The following SGCZ variants were observed in gnomAD, a reference collection of about 807,000 sequenced individuals.
SGCZ encodes sarcoglycan zeta.
Under a neutral mutation model 41.3 loss-of-function variants are expected in SGCZ, and 40 were observed. That is an observed-to-expected ratio of 0.97 (90% confidence interval 0.75 to 1.26). The LOEUF is 1.26. SGCZ is among the 50% of genes most tolerant of loss of function. The pLI, the probability that SGCZ is intolerant of heterozygous loss-of-function variation, is 0.00. For missense variants in SGCZ, 552 were observed against 369.8 expected, an observed-to-expected ratio of 1.49 and a Z score of -4.04; for synonymous variants, 206 against 137.5, an observed-to-expected ratio of 1.50 and a Z score of -3.49.
chr8:14,766,033 G>A (rs1265333337), intron 1 of SGCZ, among the ~76,000 whole-genome samples: 1 of 150,396 alleles, frequency 6.6e-6, no homozygotes, highest in Non-Finnish European at 1.5e-5. Flanking sequence ...CATGATCTCG[G>A]CTCACTGCAA....
chr8:14,125,143 G>A (rs1802811481), intron 5 of SGCZ, among the ~76,000 whole-genome samples: 1 of 152,046 alleles, frequency 6.6e-6, no homozygotes, highest in Admixed American at 6.6e-5. Flanking sequence ...GAAATGAGAG[G>A]ACACAAAGAA....
At chr8:14,669,260 G>A (rs1200338231) in intron 1 of SGCZ, among the ~76,000 whole-genome samples, 1 of 151,670 alleles carries the variant, frequency 6.6e-6, no homozygotes, top group East Asian at 1.9e-4. Flanking sequence ...CAGGAGGTGA[G>A]AGGCAGGAGG....
chr8:14,998,026 C>T (rs1054671767), intron 1 of SGCZ, among the ~76,000 whole-genome samples: 5 of 152,116 alleles, frequency 3.3e-5, no homozygotes, highest in Non-Finnish European at 4.4e-5. Context: ...ATGCAACTTC[C>T]CAGTGGTGTT....
intron 3 of SGCZ, among the ~76,000 whole-genome samples, chr8:14,246,464 G>A (rs957203580): frequency 3.4e-4 from 52 of 151,844 alleles, no homozygotes; most frequent in Non-Finnish European, 7.1e-4. Context: ...GGGGAGCGGG[G>A]AGGGATAGCA....
intron 2 of SGCZ, among the ~76,000 whole-genome samples, chr8:14,427,661 T>C (rs1799825571): frequency 6.6e-6 from 1 of 152,140 alleles, no homozygotes; most frequent in Non-Finnish European, 1.5e-5. Context: ...CGGTAATTGC[T>C]TCCAGCAGCT....
At chr8:14,911,371 G>A (rs969921284) in intron 1 of SGCZ, among the ~76,000 whole-genome samples, 2 of 151,884 alleles carry the variant, frequency 1.3e-5, no homozygotes, top group African/African-American at 4.8e-5. Flanking sequence ...ATTTTTCTTA[G>A]GAAAAGACAG....
At chr8:14,119,591 C>A (rs1057500081) in intron 5 of SGCZ, among the ~76,000 whole-genome samples, 42 of 152,088 alleles carry the variant, frequency 2.8e-4, no homozygotes, top group African/African-American at 9.7e-4. Context: ...ACTTCCAATA[C>A]TATGTTGAAT....
chr8:14,580,585 G>T (rs1804854891), intron 1 of SGCZ, among the ~76,000 whole-genome samples: 3 of 152,088 alleles, frequency 2.0e-5, no homozygotes. Flanking sequence ...TTTTCATGGA[G>T]AAAATAAATT....
At chr8:14,813,822 G>T (rs987564962) in intron 1 of SGCZ, among the ~76,000 whole-genome samples, 2 of 152,066 alleles carry the variant, frequency 1.3e-5, no homozygotes, top group African/African-American at 2.4e-5. Context: ...GCATGGGGGT[G>T]CATGCCTGTA....
chr8:14,711,287 C>T (rs1166388015), intron 1 of SGCZ, among the ~76,000 whole-genome samples: 3 of 151,960 alleles, frequency 2.0e-5, no homozygotes, highest in Non-Finnish European at 2.9e-5. Context: ...CTTTTATTCT[C>T]ATTAATAATG....
chr8:15,175,294 A>G (rs951517699), intron 1 of SGCZ, among the ~76,000 whole-genome samples: 3 of 152,256 alleles, frequency 2.0e-5, no homozygotes, highest in South Asian at 2.1e-4. Context: ...AAGCCCATCA[A>G]TGACAGACTG....
intron 1 of SGCZ, among the ~76,000 whole-genome samples, chr8:15,118,528 G>A (rs774533417): frequency 6.6e-6 from 1 of 152,136 alleles, no homozygotes; most frequent in African/African-American, 2.4e-5. Context: ...TCTAAGGAAT[G>A]GGTTTATGTA....
intron 1 of SGCZ, among the ~76,000 whole-genome samples, chr8:14,796,670 T>G (rs1014894443): frequency 1.3e-5 from 2 of 152,194 alleles, no homozygotes; most frequent in African/African-American, 4.8e-5. Flanking sequence ...AATAAGACTC[T>G]TAGTAAACAT....
At chr8:15,032,749 A>G (rs1803721990) in intron 1 of SGCZ, among the ~76,000 whole-genome samples, 3 of 152,162 alleles carry the variant, frequency 2.0e-5, no homozygotes, top group African/African-American at 7.2e-5. Flanking sequence ...TGGCCCCCAC[A>G]GCCCCAGACG....
rs140070025 is a variant in SGCZ, at chr8:15,054,617, C to T, written c.39+182968G>A. Among the ~76,000 whole-genome samples the T allele has an allele frequency of 4.3e-3, 647 of 152,222 alleles. 6 individuals carry two copies. The highest frequency in any genetic ancestry group is 0.015 in the African/African-American group (608 of 41,542). ...ACTTGAATGTGTTAGCTCTACCATT[C>T]ACTAGGTATGTAACCTTTGAAAAAA... On this transcript the variant is annotated intron_variant, in intron 1 of 7. Transcript: ENST00000382080.
chr8:14,456,632 A>G (rs1189579892), intron 2 of SGCZ, among the ~76,000 whole-genome samples: 1 of 152,156 alleles, frequency 6.6e-6, no homozygotes, highest in Non-Finnish European at 1.5e-5. Flanking sequence ...GAAGAGTGAA[A>G]AGAAAGGGAG....
intron 1 of SGCZ, among the ~76,000 whole-genome samples, chr8:14,979,178 G>C (rs561578423): frequency 6.6e-6 from 1 of 152,062 alleles, no homozygotes; most frequent in African/African-American, 2.4e-5. Flanking sequence ...ACACTAAAAG[G>C]CATTAACTTG....
chr8:14,645,817 AT>A lies in SGCZ; in HGVS notation c.40-90892del, dbSNP rs1807195237. On this transcript the variant is annotated intron_variant, in intron 1 of 7. Transcript: ENST00000382080. ...ATTAACAATGTAAGCAAATGCAGAC[AT>A]TCACAGCAAATTTTATTTTCTTTGC... Among the ~76,000 whole-genome samples, 2 of 151,840 alleles carry A rather than the reference AT, an allele frequency of 1.3e-5. 1 individual carries two copies. Among genetic ancestry groups the A allele is most frequent in the South Asian group, 4.1e-4 (2 of 4,830 alleles).
chr8:15,111,068 C>T (rs983891132), intron 1 of SGCZ, among the ~76,000 whole-genome samples: 2 of 152,104 alleles, frequency 1.3e-5, no homozygotes, highest in Non-Finnish European at 2.9e-5. Flanking sequence ...GGCAGAGAAC[C>T]TAAGGCCAAT....
Sources: allele counts gnomAD v4.1 joint callset (sites outside exome capture counted in the v4.1 genomes callset), GRCh38; gene constraint gnomAD v4.1.1; transcripts MANE v1.5; gene names NCBI Gene and HGNC (gene_info 2026-07-23, HGNC 2026-07-21).